INPP5F: variants seen among roughly 807,000 people sequenced by gnomAD.
INPP5F encodes the protein inositol polyphosphate-5-phosphatase F, also known as phosphatidylinositide 4-phosphatase SAC2.
INPP5F carries 97 observed loss-of-function variants against 137.2 expected under a neutral mutation model. The ratio of observed to expected loss-of-function variants is 0.71; its 90% CI spans 0.60 to 0.84. The LOEUF (loss-of-function observed/expected upper bound fraction) is 0.84. INPP5F is among the 40% of genes least tolerant of loss of function. The pLI is 0.00. For missense variants in INPP5F, 1,271 were observed against 1,371.9 expected (o/e 0.93, Z 1.16); for synonymous variants, 504 against 476.9 (o/e 1.06, Z -0.74).
intron 2 of INPP5F, among the ~76,000 whole-genome samples, chr10:119,767,799 A>G (rs1356423235): frequency 6.6e-6 from 1 of 152,062 alleles, no homozygotes; most frequent in Admixed American, 6.6e-5. Context: ...AGTAGAGAGA[A>G]TCATTTCAAA....
At chr10:119,767,490 CTT>C (rs1411266509) in intron 2 of INPP5F, among the ~76,000 whole-genome samples, 1 of 152,066 alleles carries the variant, frequency 6.6e-6, no homozygotes, top group African/African-American at 2.4e-5. Flanking sequence ...GATTTAAAAA[CTT>C]AATCCAAAAG....
At chr10:119,731,161 AGAGTT>A (rs1848052744) in intron 1 of INPP5F, among the ~76,000 whole-genome samples, 1 of 151,962 alleles carries the variant, frequency 6.6e-6, no homozygotes, top group African/African-American at 2.4e-5. Context: ...TGTTCTTCTT[AGAGTT>A]AATTTTTGAT....
In INPP5F at chr10:119,787,749, G is replaced by A. The variant is rs1350518164; in HGVS notation, c.316-3768G>A. Among the ~76,000 whole-genome samples, 2 of 152,108 alleles carry A rather than the reference G, an allele frequency of 1.3e-5. No homozygotes were observed. Among genetic ancestry groups the A allele is most frequent in the Non-Finnish European group, 2.9e-5 (2 of 68,026 alleles). On this transcript the variant is annotated intron_variant, in intron 3 of 19. Coordinates refer to ENST00000650623, the MANE Select transcript of INPP5F (RefSeq NM_014937.4). This position sits in a 1 kb window ranked among gnomAD's most constrained non-coding sequence, Gnocchi z 4.1. Reference sequence around the variant, plus strand: ...TCAGACTGAAGCCAGAGGCCTTTCTGGGTCTGCATCTAGAAGCAGACAGTA... The same window carrying A: ...TCAGACTGAAGCCAGAGGCCTTTCTAGGTCTGCATCTAGAAGCAGACAGTA...
At chr10:119,729,206 C>T (rs1192208438) in intron 1 of INPP5F, among the ~76,000 whole-genome samples, 2 of 151,952 alleles carry the variant, frequency 1.3e-5, no homozygotes, top group East Asian at 3.9e-4. Context: ...AGTGCGGTGG[C>T]GTGTTCTCGG....
At chr10:119,745,304 T>A (rs1848497413) in intron 1 of INPP5F, among the ~76,000 whole-genome samples, 1 of 152,006 alleles carries the variant, frequency 6.6e-6, no homozygotes, top group African/African-American at 2.4e-5. Flanking sequence ...CTCCCTAAGC[T>A]CTTTTTCTTT....
chr10:119,739,182 A>G (rs1404238035), intron 1 of INPP5F, among the ~76,000 whole-genome samples: 1 of 152,116 alleles, frequency 6.6e-6, no homozygotes, highest in Non-Finnish European at 1.5e-5. Flanking sequence ...ACCTTGTCTC[A>G]AGGGGAAAAA....
At chr10:119,792,354 G>A in intron 6 of INPP5F, 141 bp downstream of exon 6, 1 of 670,370 alleles carries the variant, frequency 1.5e-6, no homozygotes, top group Non-Finnish European at 2.5e-6. Context: ...TTCCCCTATG[G>A]AATGGGAATC....
At position 119,823,909 on chromosome 10, in the gene INPP5F, A is replaced by T; in HGVS notation, c.2249+7A>T. 6.3e-7 allele frequency: 1 copy of T among 1,591,496 alleles called. No individual in the cohort carries two copies. Among genetic ancestry groups the T allele is most frequent in the African/African-American group, 1.3e-5 (1 of 74,494 alleles). On this transcript the variant is annotated splice_region_variant and intron_variant, in intron 19 of 19. Coordinates refer to ENST00000650623, the MANE Select transcript of INPP5F (RefSeq NM_014937.4). The stretch of plus-strand genomic sequence containing the variant: ...TTGAGAAGAAACTTGAGAGGTGAGT[A>T]TACTGCTTCTCTCAAGAATAAAGGC...
chr10:119,792,761 T>C (rs1200469404), intron 6 of INPP5F, among the ~76,000 whole-genome samples: 3 of 152,228 alleles, frequency 2.0e-5, no homozygotes, highest in Non-Finnish European at 4.4e-5. Context: ...TCATGTATGT[T>C]GGAAAATTGA....
chr10:119,793,950 G>T (rs183027084), intron 6 of INPP5F, among the ~76,000 whole-genome samples: 178 of 152,336 alleles, frequency 1.2e-3, no homozygotes, highest in African/African-American at 4.0e-3. Context: ...CTGACCAGAA[G>T]AAGAAATCTT....
At chr10:119,768,288 G>A (rs1344990161) in intron 2 of INPP5F, 1 of 152,188 alleles carries the variant, frequency 6.6e-6, no homozygotes, top group Non-Finnish European at 1.5e-5. Flanking sequence ...AGCTAGTAGA[G>A]GTCTAAGGTG....
Position 119,822,423 on chromosome 10 carries a change from T to G in INPP5F, c.1959-8T>G. 7.0e-7 allele frequency: 1 copy of G among 1,427,398 alleles called. No individual in the cohort carries two copies. Among genetic ancestry groups the G allele is most frequent in the Non-Finnish European group, 9.6e-7 (1 of 1,039,020 alleles). 88.4% of individuals were successfully genotyped at this position (1,427,398 alleles called of 1,614,324 possible). On this transcript the variant is annotated splice_polypyrimidine_tract_variant and splice_region_variant and intron_variant, in intron 16 of 19. Coordinates refer to ENST00000650623, the MANE Select transcript of INPP5F (RefSeq NM_014937.4). ...AATCCTCTTTTAACTTCATTTCCTT[T>G]TATCTAGTTATGATGATGAAGTTGA...
At chr10:119,731,125 T>G (rs145057357) in intron 1 of INPP5F, among the ~76,000 whole-genome samples, 1 of 152,262 alleles carries the variant, frequency 6.6e-6, no homozygotes, top group East Asian at 1.9e-4. Flanking sequence ...TTAGTTAGAA[T>G]TCACAGAAAT....
chr10:119,826,621 T>G lies in INPP5F; in HGVS notation c.2250-10T>G. On this transcript the variant is annotated splice_polypyrimidine_tract_variant and intron_variant, in intron 19 of 19. Transcript: ENST00000650623. ...TGGGGAATTAACTTTTTTTCTCTTC[T>G]AATTTGTAGGAAGAGCAGTAAACCT... 6.4e-7 allele frequency: 1 copy of G among 1,553,710 alleles called. No homozygotes were observed.
intron 1 of INPP5F, among the ~76,000 whole-genome samples, chr10:119,746,018 A>T (rs1848521830): frequency 6.6e-6 from 1 of 151,998 alleles, no homozygotes; most frequent in Non-Finnish European, 1.5e-5. Flanking sequence ...ATTACTGTTT[A>T]TTCAAGTTTT....
At chr10:119,738,343 A>G (rs1000028906) in intron 1 of INPP5F, among the ~76,000 whole-genome samples, 1 of 152,020 alleles carries the variant, frequency 6.6e-6, no homozygotes, top group Non-Finnish European at 1.5e-5. Flanking sequence ...CTTTTTTTGA[A>G]TTTGTATGCC....
chr10:119,751,303 A>T, intron 2 of INPP5F, 147 bp downstream of exon 2: 1 of 639,820 alleles, frequency 1.6e-6, no homozygotes, highest in Non-Finnish European at 2.8e-6. Flanking sequence ...ATAATGAGCG[A>T]AGACCTGTTT....
chr10:119,790,349 A>G (rs1440912168), intron 3 of INPP5F, among the ~76,000 whole-genome samples: 1 of 152,166 alleles, frequency 6.6e-6, no homozygotes, highest in Non-Finnish European at 1.5e-5. Context: ...AGGAGTATAA[A>G]GCTTTTCTCC....
intron 15 of INPP5F, chr10:119,819,452 G>A: frequency 1.3e-6 from 2 of 1,569,184 alleles, no homozygotes; most frequent in Non-Finnish European, 1.7e-6. Flanking sequence ...AAGTAACACT[G>A]TAATTAGTAG....
Sources: gnomAD v4.1 joint callset for allele counts (sites outside exome capture counted in the v4.1 genomes callset) on GRCh38, gnomAD v4.1.1 for gene constraint, Gnocchi (gnomAD v3.1) non-coding constraint, MANE v1.5 for transcripts, NCBI Gene and HGNC (gene_info 2026-07-23, HGNC 2026-07-21) for gene names.